Variants in SEC23B observed in about 807,000 individuals in gnomAD.
SEC23B encodes protein transport protein Sec23B.
Under a neutral mutation model 104.3 loss-of-function variants are expected in SEC23B, and 77 were observed. The ratio of observed to expected loss-of-function variants is 0.74; its 90% CI spans 0.61 to 0.89. The LOEUF (loss-of-function observed/expected upper bound fraction) is 0.89, where lower values mean the gene tolerates loss of function less well. Ranked by LOEUF, SEC23B falls within the 40% of genes least tolerant of loss-of-function variation. SEC23B has a pLI of 0.00. For synonymous variants in SEC23B, 338 were observed against 332.5 expected (o/e 1.02, Z -0.18); for missense variants, 885 against 949.4 (o/e 0.93, Z 0.89).
chr20:18,529,738 A>G (rs767294548), intron 9 of SEC23B, among the ~76,000 whole-genome samples: 1 of 152,246 alleles, frequency 6.6e-6, no homozygotes, highest in Non-Finnish European at 1.5e-5. Flanking sequence ...GCACATGGCC[A>G]TAGGCAAGGC....
chr20:18,555,481 A>T (rs2060428213), intron 19 of SEC23B, among the ~76,000 whole-genome samples: 1 of 151,810 alleles, frequency 6.6e-6, no homozygotes, highest in South Asian at 2.1e-4. Flanking sequence ...CATGGCCCCT[A>T]GTCCTCTCCC....
intron 3 of SEC23B, among the ~76,000 whole-genome samples, chr20:18,513,075 T>C (rs1053865319): frequency 3.3e-5 from 5 of 152,158 alleles, no homozygotes; most frequent in African/African-American, 1.2e-4. Context: ...TCTTAGCTAC[T>C]CAGGAGGCTG....
chr20:18,527,467 T>C lies in SEC23B; in HGVS notation c.994-29T>C, dbSNP rs7263397. The stretch of plus-strand genomic sequence containing the variant: ...ATACCTTGGGAATAATGTCACTGTT[T>C]CCTAAAGATAGCTTTCCTCTCTTCA... On this transcript the variant is annotated intron_variant, in intron 8 of 19. Transcript: ENST00000650089. 442 of 1,264,898 alleles carry C rather than the reference T, an allele frequency of 3.5e-4. 2 individuals carry two copies. The African/African-American group carries it at 5.3e-3, about 15-fold the overall frequency. The allele number at this position is 1,264,898 out of a possible 1,614,324, so 78.4% of individuals were successfully genotyped here.
At position 18,542,278 on chromosome 20, in the gene SEC23B, T is replaced by C. The variant is rs1430051771; in HGVS notation, c.1405-18T>C. 3 of 1,608,932 alleles carry C rather than the reference T, an allele frequency of 1.9e-6. No individual in the cohort carries two copies. The highest frequency in any genetic ancestry group is 1.3e-5 in the African/African-American group (1 of 74,820). On this transcript the variant is annotated intron_variant, in intron 12 of 19. Transcript: ENST00000650089. ...GTTGCGCCTATAACAGACAAGGTTA[T>C]GGCCTCTCATCCTACAGCACAACAC...
intron 4 of SEC23B, 165 bp downstream of exon 4, chr20:18,515,901 A>G: frequency 1.5e-6 from 1 of 654,766 alleles, no homozygotes; most frequent in Non-Finnish European, 2.8e-6. Flanking sequence ...CATTGTTTTC[A>G]AGTCCTGACA....
At chr20:18,525,643 A>G in intron 6 of SEC23B, 145 bp from the exon 7 acceptor site, 1 of 776,016 alleles carries the variant, frequency 1.3e-6, no homozygotes, top group Non-Finnish European at 2.2e-6. Flanking sequence ...TTGTGTTAGT[A>G]GAGAGATAGC....
chr20:18,535,732 T>G lies in SEC23B; in HGVS notation c.1394T>G (p.Val465Gly). 6.2e-7 allele frequency: 1 copy of G among 1,613,308 alleles called. No homozygotes were observed. The highest frequency in any genetic ancestry group is 8.5e-7 in the Non-Finnish European group (1 of 1,179,190). Residue 465 changes from valine (V) to glycine (G), a missense_variant, in exon 12 of 20, where the codon GTT becomes GGT. Val to Gly is a moderately radical substitution (Grantham distance 109, BLOSUM62 -3). Transcript: ENST00000650089. ...TCTACACTTGGCATCTATTTTGAAG[T>G]TGTCAATCAGGTGAGTTGGATTTCT... The part of the protein sequence containing the change: ...PTSTLGIYFE[V>G]VNQHNTPIPQ...
rs559890967 is a variant in SEC23B at position 18,516,538 on chromosome 20, T to A, written c.366+802T>A. ...TTTTTTAAACATTTTTGGGCTCTTTTTTTTTTCTTTTTCTTTTTTTTTTTT... is the reference window on the plus strand; with the variant it reads ...TTTTTTAAACATTTTTGGGCTCTTTATTTTTTCTTTTTCTTTTTTTTTTTT... On this transcript the variant is annotated intron_variant, in intron 4 of 19. Transcript: ENST00000650089. Among the ~76,000 whole-genome samples, 159 of 150,096 alleles carry A rather than the reference T, an allele frequency of 1.1e-3. 1 individual carries two copies. Among genetic ancestry groups the A allele is most frequent in the African/African-American group, 3.6e-3 (143 of 39,878 alleles).
At chr20:18,544,285 A>G (rs1347023149) in intron 14 of SEC23B, among the ~76,000 whole-genome samples, 1 of 139,468 alleles carries the variant, frequency 7.2e-6, no homozygotes, top group Non-Finnish European at 1.6e-5. Flanking sequence ...TGCCCTTGCC[A>G]TCTCATGGAA....
At chr20:18,557,745 C>CTTTTTTTTTTTTTTTTTTTT (rs11477198) in intron 19 of SEC23B, among the ~76,000 whole-genome samples, 31 of 116,812 alleles carry the variant, frequency 2.7e-4, no homozygotes, top group African/African-American at 3.4e-4. Context: ...TTTTTCTTTT[C>CTTTTTTTTTTTTTTTTTTTT]TTTTTTTTTT....
chr20:18,537,117 A>G (rs571865209), intron 12 of SEC23B, among the ~76,000 whole-genome samples: 1 of 152,118 alleles, frequency 6.6e-6, no homozygotes, highest in Non-Finnish European at 1.5e-5. Flanking sequence ...ATGTGGAGAA[A>G]TAGGAACACT....
rs1368753898 is a variant in SEC23B, at chr20:18,544,041, T to G, written c.1665+869T>G. The stretch of plus-strand genomic sequence containing the variant: ...AAGCTGACGCTCACCTCCAGCACTC[T>G]CTACTGACAACGCTTGATATCGTGC... On this transcript the variant is annotated intron_variant, in intron 14 of 19. Transcript: ENST00000650089. 3.3e-5 allele frequency among the ~76,000 whole-genome samples: 5 copies of G among 152,146 alleles called. No homozygotes were observed. The East Asian group carries it at 9.6e-4, about 29-fold the overall frequency.
chr20:18,510,887 C>G lies in SEC23B; in HGVS notation c.52C>G (p.Arg18Gly). The G allele has an allele frequency of 6.2e-7, 1 of 1,614,070 alleles. No individual in the cohort carries two copies. The highest frequency in any genetic ancestry group is 8.5e-7 in the Non-Finnish European group (1 of 1,179,994). ...IQQNEERDGV[R>G]FSWNVWPSSR... The stretch of plus-strand genomic sequence containing the variant: ...GCAGAATGAAGAACGGGATGGTGTG[C>G]GTTTTAGTTGGAACGTGTGGCCTTC... The change falls in exon 2 of 20, where the codon CGT becomes GGT. Residue 18 changes from arginine (R) to glycine (G), a missense_variant. Coordinates refer to ENST00000650089, the MANE Select transcript of SEC23B (RefSeq NM_006363.6).
intron 6 of SEC23B, 33 bp from the exon 7 acceptor site, chr20:18,525,755 A>G (rs780259785): frequency 8.7e-6 from 14 of 1,612,948 alleles, no homozygotes; most frequent in East Asian, 2.2e-5. Flanking sequence ...ACTTTATTCA[A>G]TCTGGGTTGA....
intron 18 of SEC23B, among the ~76,000 whole-genome samples, chr20:18,554,652 C>T (rs2060419003): frequency 6.6e-6 from 1 of 151,890 alleles, no homozygotes; most frequent in Admixed American, 6.6e-5. Context: ...ATGGTGAAAC[C>T]CCGTCTCTAC....
Position 18,524,670 on chromosome 20 carries a change from G to C in SEC23B, c.603+1G>C. On this transcript the variant is annotated splice_donor_variant, in intron 5 of 19. Coordinates refer to ENST00000650089, the MANE Select transcript of SEC23B (RefSeq NM_006363.6). LOFTEE classifies it high-confidence loss of function. ...GGATTTAACTGCAAAGCAAATACAG[G>C]TTTGTACCTTACTTGTACAGGAGCA... 6.2e-7 allele frequency: 1 copy of C among 1,609,288 alleles called. No individual in the cohort carries two copies. The highest frequency in any genetic ancestry group is 8.5e-7 in the Non-Finnish European group (1 of 1,176,038).
chr20:18,553,349 T>C (rs984351124), intron 17 of SEC23B, among the ~76,000 whole-genome samples: 3 of 152,212 alleles, frequency 2.0e-5, no homozygotes, highest in Admixed American at 6.5e-5. Context: ...GAAGGAGGCA[T>C]CTGATGAGAA....
Position 18,507,969 on chromosome 20 carries a change from CT to C in SEC23B, c.-17del, listed in dbSNP as rs1289933031. ...CAGCTGTGGGTGAGGACGGCTCTAG[CT>C]AGGTGAGCGGCTCCGGCCAGGTGAG... On this transcript the variant is annotated splice_region_variant and 5_prime_UTR_variant, in exon 1 of 20. Coordinates refer to ENST00000650089, the MANE Select transcript of SEC23B (RefSeq NM_006363.6). 1 of 152,680 alleles carries C rather than the reference CT, an allele frequency of 6.5e-6. No homozygotes were observed. Among genetic ancestry groups the C allele is most frequent in the African/African-American group, 2.4e-5 (1 of 41,474 alleles). 9.5% of individuals were successfully genotyped at this position (152,680 alleles called of 1,614,324 possible). A position where few individuals can be genotyped will look rare whatever the true frequency, so the allele number is the denominator to read the frequency against.
intron 2 of SEC23B, among the ~76,000 whole-genome samples, chr20:18,511,700 A>G (rs1415729466): frequency 6.6e-6 from 1 of 152,218 alleles, no homozygotes; most frequent in Non-Finnish European, 1.5e-5. Flanking sequence ...TTCTAAATGT[A>G]GAAAATAAGG....
Sources: gnomAD v4.1 joint callset for allele counts (sites outside exome capture counted in the v4.1 genomes callset) on GRCh38, gnomAD v4.1.1 for gene constraint, MANE v1.5 for transcripts, NCBI Gene and HGNC (gene_info 2026-07-23, HGNC 2026-07-21) for gene names.